The following LINGO2 variants were observed in gnomAD, a reference collection of about 807,000 sequenced individuals.
The protein encoded by LINGO2 is leucine-rich repeat and immunoglobulin-like domain-containing nogo receptor-interacting protein 2.
Under a neutral mutation model 30.6 loss-of-function variants are expected in LINGO2, and 14 were observed. The observed-to-expected ratio is 0.46, with a 90% CI of 0.30 to 0.72. LINGO2 has a LOEUF of 0.72. Among genes scored for constraint, LINGO2 ranks in the 30% least tolerant of loss-of-function variants. The probability of loss-of-function intolerance (pLI) is 0.07; values close to 1 mark genes in which losing one functional copy is unlikely to be tolerated. For missense variants in LINGO2, 729 were observed against 751.7 expected (o/e 0.97, Z 0.35); for synonymous variants, 317 against 288.5 (o/e 1.10, Z -1.00).
At chr9:28,710,849 T>C in the LINGO2 span, among the ~76,000 whole-genome samples, 218 of 152,258 alleles carry the variant, frequency 1.4e-3, no homozygotes, top group African/African-American at 5.1e-3. Context: ...TACTCAATAC[T>C]GTGAATAAAA....
At chr9:28,701,096 T>A in the LINGO2 span, among the ~76,000 whole-genome samples, 1 of 137,974 alleles carries the variant, frequency 7.2e-6, no homozygotes, top group East Asian at 2.2e-4. Context: ...TTTCTTCTAG[T>A]TTGAGGCTTA....
chr9:28,301,084 C>T (rs375279524), intron 3 of LINGO2, among the ~76,000 whole-genome samples: 21 of 152,006 alleles, frequency 1.4e-4, no homozygotes, highest in South Asian at 6.2e-4. Context: ...TGCCTCAGAG[C>T]CAAGTGTATC....
intron 4 of LINGO2, among the ~76,000 whole-genome samples, chr9:28,260,694 A>C (rs1292063462): frequency 1.3e-5 from 2 of 151,892 alleles, no homozygotes; most frequent in African/African-American, 2.4e-5. Flanking sequence ...ATACCTGTAC[A>C]TCAAACCAGC....
chr9:28,760,556 A>G, the LINGO2 span, among the ~76,000 whole-genome samples: 1 of 152,006 alleles, frequency 6.6e-6, no homozygotes, highest in Non-Finnish European at 1.5e-5. Context: ...ATTTGCTTAC[A>G]TGAGTAAGTT....
intron 1 of LINGO2, among the ~76,000 whole-genome samples, chr9:28,579,133 C>T (rs1355742300): frequency 6.6e-6 from 1 of 151,190 alleles, no homozygotes; most frequent in African/African-American, 2.4e-5. Context: ...TATGGAAATG[C>T]TACATTACAC....
At chr9:28,992,720 C>T in the LINGO2 span, among the ~76,000 whole-genome samples, 1 of 152,084 alleles carries the variant, frequency 6.6e-6, no homozygotes, top group African/African-American at 2.4e-5. Context: ...TCACTCAAAA[C>T]CACTCAACTA....
chr9:28,600,654 C>T (rs1021482546), intron 1 of LINGO2, among the ~76,000 whole-genome samples: 1 of 151,918 alleles, frequency 6.6e-6, no homozygotes, highest in Non-Finnish European at 1.5e-5. Context: ...TCAAAATGAG[C>T]TACAAAACAA....
In LINGO2 at chr9:28,435,487, C is replaced by T. The variant is rs954343662; in HGVS notation, c.-279+40453G>A. Reference sequence around the variant, plus strand: ...TAGAAAAATAGGAGTTGCTCACAAACGTTCTAATGATCTCTGGACTGTGAG... The same window carrying T: ...TAGAAAAATAGGAGTTGCTCACAAATGTTCTAATGATCTCTGGACTGTGAG... On this transcript the variant is annotated intron_variant, in intron 2 of 5. Coordinates refer to ENST00000379992, the Ensembl canonical transcript of LINGO2. Among the ~76,000 whole-genome samples the T allele has an allele frequency of 7.9e-5, 12 of 152,238 alleles. No individual in the cohort carries two copies. In the South Asian group the frequency reaches 2.1e-3, roughly 26 times the overall value.
At chr9:28,543,524 G>A (rs1377613174) in intron 1 of LINGO2, among the ~76,000 whole-genome samples, 5 of 152,002 alleles carry the variant, frequency 3.3e-5, no homozygotes, top group South Asian at 2.1e-4. Context: ...AGCAACACTC[G>A]TATTTGGACT....
intron 1 of LINGO2, among the ~76,000 whole-genome samples, chr9:28,618,236 C>T (rs1000101480): frequency 6.6e-6 from 1 of 152,118 alleles, no homozygotes; most frequent in African/African-American, 2.4e-5. Context: ...TTATTCTTCC[C>T]CATGTCAATT....
chr9:28,782,244 A>G, the LINGO2 span, among the ~76,000 whole-genome samples: 2 of 152,232 alleles, frequency 1.3e-5, no homozygotes, highest in African/African-American at 4.8e-5. Context: ...GTAAAAATAA[A>G]TGAGAAAGCA....
intron 5 of LINGO2, among the ~76,000 whole-genome samples, chr9:27,974,135 G>A (rs530497216): frequency 6.6e-6 from 1 of 152,110 alleles, no homozygotes; most frequent in Non-Finnish European, 1.5e-5. Flanking sequence ...CATCACAACT[G>A]CTGCGTGAAC....
chr9:28,290,876 T>C (rs1229505377), intron 4 of LINGO2, among the ~76,000 whole-genome samples: 2 of 152,162 alleles, frequency 1.3e-5, no homozygotes, highest in Admixed American at 6.5e-5. Context: ...AAACTATCCA[T>C]GGGACTACTG....
intron 4 of LINGO2, among the ~76,000 whole-genome samples, chr9:28,086,969 C>T (rs1030055883): frequency 1.3e-5 from 2 of 152,116 alleles, no homozygotes; most frequent in African/African-American, 4.8e-5. Context: ...ATTTTTCCAA[C>T]CTTTGGATCA....
At chr9:28,277,815 C>CA (rs1290556330) in intron 4 of LINGO2, among the ~76,000 whole-genome samples, 7 of 99,930 alleles carry the variant, frequency 7.0e-5, no homozygotes, top group Admixed American at 5.3e-4. Context: ...AACTCCATCT[C>CA]AAAAAACAAA....
chr9:28,225,623 C>G (rs888852233), intron 4 of LINGO2, among the ~76,000 whole-genome samples: 2 of 151,760 alleles, frequency 1.3e-5, no homozygotes, highest in Non-Finnish European at 2.9e-5. Flanking sequence ...ATATAATGAA[C>G]AAAATATAAA....
At chr9:28,340,961 A>G (rs1257898286) in intron 3 of LINGO2, among the ~76,000 whole-genome samples, 1 of 152,120 alleles carries the variant, frequency 6.6e-6, no homozygotes, top group Non-Finnish European at 1.5e-5. Context: ...CATTCTCTTT[A>G]AAGGGCAAAT....
intron 2 of LINGO2, among the ~76,000 whole-genome samples, chr9:28,443,205 G>C (rs761956773): frequency 6.6e-6 from 1 of 152,178 alleles, no homozygotes; most frequent in Non-Finnish European, 1.5e-5. Context: ...TTCTGGCTGG[G>C]TAAATACATT....
At chr9:28,425,325 G>GTT (rs1823361317) in intron 2 of LINGO2, among the ~76,000 whole-genome samples, 1 of 104,542 alleles carries the variant, frequency 9.6e-6, no homozygotes, top group Admixed American at 9.3e-5. Context: ...ATATATGTGT[G>GTT]TGTGTATATA....
Sources: gnomAD v4.1 joint callset for allele counts (sites outside exome capture counted in the v4.1 genomes callset) on GRCh38, gnomAD v4.1.1 for gene constraint, MANE v1.5 for transcripts, NCBI Gene and HGNC (gene_info 2026-07-23, HGNC 2026-07-21) for gene names.